Variants in FAM111B observed in about 807,000 individuals in gnomAD.
FAM111B encodes the protein FAM111 trypsin like peptidase B, also known as serine protease FAM111B.
A neutral mutation model predicts 2.8 loss-of-function variants in FAM111B; 1 was observed. The ratio of observed to expected loss-of-function variants is 0.36; its 90% CI spans 0.13 to 1.70. The LOEUF (loss-of-function observed/expected upper bound fraction) is 1.70. FAM111B is among the 40% of genes most tolerant of loss of function. The pLI is 0.35. For synonymous variants in FAM111B, 297 were observed against 295.6 expected, an observed-to-expected ratio of 1.00 and a Z score of -0.05; for missense variants, 882 against 878.9, an observed-to-expected ratio of 1.00 and a Z score of -0.04.
chr11:59,124,828 A>G lies in FAM111B; in HGVS notation c.731A>G (p.Glu244Gly), dbSNP rs1859988651. The G allele has an allele frequency of 6.2e-7, 1 of 1,613,762 alleles. No individual in the cohort carries two copies. Among genetic ancestry groups the G allele is most frequent in the Non-Finnish European group, 8.5e-7 (1 of 1,179,866 alleles). Residue 244 changes from glutamate (E) to glycine (G), a missense_variant, in exon 4 of 4, where the codon GAA becomes GGA. Transcript: ENST00000343597. Reference sequence around the variant, plus strand: ...GGTGAATTTGAATGGAAACTAAAGGAAGGTCATAAGAAAATTTATGGAAAA... The same window carrying G: ...GGTGAATTTGAATGGAAACTAAAGGGAGGTCATAAGAAAATTTATGGAAAA... Reference protein sequence around the residue: ...DIGEFEWKLKEGHKKIYGKQS... With the variant: ...DIGEFEWKLKGGHKKIYGKQS...
chr11:59,122,383 T>C (rs879596771), intron 3 of FAM111B, among the ~76,000 whole-genome samples: 8 of 152,222 alleles, frequency 5.3e-5, no homozygotes, highest in Non-Finnish European at 1.2e-4. Flanking sequence ...AGGGACACAC[T>C]GTATGCCTCT....
chr11:59,124,557 T>C lies in FAM111B; in HGVS notation c.460T>C (p.Ser154Pro). Residue 154 changes from serine to proline, a missense_variant, in exon 4 of 4, where the codon TCT becomes CCT. Coordinates refer to ENST00000343597, the MANE Select transcript of FAM111B (RefSeq NM_198947.4). ...GMPLKCLPSD[S>P]HFKITFGQRK... ...GCCTCTCAAGTGCCTGCCTAGTGAT[T>C]CTCATTTTAAAATTACATTTGGTCA... is the stretch of plus-strand genomic sequence containing the variant. 6.2e-7 allele frequency: 1 copy of C among 1,613,598 alleles called. No individual in the cohort carries two copies. Among genetic ancestry groups the C allele is most frequent in the Non-Finnish European group, 8.5e-7 (1 of 1,179,670 alleles).
rs372961791 is a variant in FAM111B at position 59,119,444 on chromosome 11, A to G, written c.82-4735A>G. On this transcript the variant is annotated intron_variant, in intron 3 of 3. Coordinates refer to ENST00000343597, the MANE Select transcript of FAM111B (RefSeq NM_198947.4). ...ACTAATGCTCAATGTCTTGGAAACC[A>G]TTTTGTATATTTTGTCCATTTCTCC... 1.6e-3 allele frequency among the ~76,000 whole-genome samples: 249 copies of G among 152,286 alleles called. 5 individuals are homozygous for G. The South Asian group carries it at 0.047, about 29-fold the overall frequency.
At chr11:59,123,138 A>G (rs1181855120) in intron 3 of FAM111B, among the ~76,000 whole-genome samples, 1 of 152,142 alleles carries the variant, frequency 6.6e-6, no homozygotes, top group Non-Finnish European at 1.5e-5. Context: ...TGCCATTTTA[A>G]TATATTTTCT....
intron 3 of FAM111B, 97 bp downstream of exon 3, chr11:59,109,803 T>C: frequency 1.4e-6 from 1 of 723,372 alleles, no homozygotes; most frequent in Non-Finnish European, 2.2e-6. Context: ...ATGGTCGTTA[T>C]AAGCCCTTCT....
chr11:59,113,823 T>A (rs182317973), intron 3 of FAM111B, among the ~76,000 whole-genome samples: 29 of 152,266 alleles, frequency 1.9e-4, no homozygotes, highest in South Asian at 6.2e-4. Flanking sequence ...TCACCACACC[T>A]AGAGGGAAGT....
intron 3 of FAM111B, among the ~76,000 whole-genome samples, chr11:59,120,114 A>T (rs1219292329): frequency 6.6e-6 from 1 of 152,238 alleles, no homozygotes; most frequent in Admixed American, 6.5e-5. Context: ...TGTAAAAATT[A>T]TTTGTTAACC....
At chr11:59,114,487 G>T (rs1038803027) in intron 3 of FAM111B, among the ~76,000 whole-genome samples, 4 of 152,192 alleles carry the variant, frequency 2.6e-5, no homozygotes, top group African/African-American at 9.6e-5. Flanking sequence ...GGAAAAGAGA[G>T]ATGGAGAATG....
Position 59,125,801 on chromosome 11 carries a change from A to G in FAM111B, c.1704A>G (p.Gln568=). ...PPGLWRQISP[Q]PSTGLIYLIG... ...GACTATGGCGACAGATTTCTCCTCA[A>G]CCATCTACTGGTTTGATTTATTTAA... Residue 568 remains glutamine, a synonymous_variant, in exon 4 of 4, where the codon CAA becomes CAG. Transcript: ENST00000343597. 1.2e-6 allele frequency: 2 copies of G among 1,613,896 alleles called. No individual in the cohort carries two copies.
At chr11:59,119,712 C>A (rs1465686339) in intron 3 of FAM111B, among the ~76,000 whole-genome samples, 1 of 152,076 alleles carries the variant, frequency 6.6e-6, no homozygotes, top group African/African-American at 2.4e-5. Flanking sequence ...CAGGGAATAT[C>A]ATGTTAAATA....
intron 3 of FAM111B, among the ~76,000 whole-genome samples, chr11:59,123,754 A>G (rs1332652720): frequency 6.6e-6 from 1 of 152,192 alleles, no homozygotes; most frequent in East Asian, 1.9e-4. Context: ...TATTTAAGAA[A>G]CATAAGATTT....
chr11:59,111,494 TA>T (rs1201926147), intron 3 of FAM111B, among the ~76,000 whole-genome samples: 4 of 152,222 alleles, frequency 2.6e-5, no homozygotes, highest in African/African-American at 9.6e-5. Context: ...AAGACTTTGT[TA>T]AGTTAAATAT....
At chr11:59,121,840 A>G (rs1055833853) in intron 3 of FAM111B, among the ~76,000 whole-genome samples, 1 of 152,240 alleles carries the variant, frequency 6.6e-6, no homozygotes, top group East Asian at 1.9e-4. Flanking sequence ...ATCAACTAGA[A>G]TGAACCTCAG....
chr11:59,124,593 A>C lies in FAM111B; in HGVS notation c.496A>C (p.Ser166Arg). 6.2e-7 allele frequency: 1 copy of C among 1,613,882 alleles called. No individual in the cohort carries two copies. The change falls in exon 4 of 4, where the codon AGC becomes CGC. Residue 166 changes from serine (S) to arginine (R), a missense_variant. Physicochemically the swap from Ser to Arg is moderately radical, Grantham distance 110 (BLOSUM62 -1). Transcript: ENST00000343597. ...FKITFGQRKS[S>R]KEDGHILRQC... Reference sequence around the variant, plus strand: ...AATTACATTTGGTCAAAGAAAGAGTAGCAAAGAAGATGGACACATATTACG... The same window carrying C: ...AATTACATTTGGTCAAAGAAAGAGTCGCAAAGAAGATGGACACATATTACG...
rs968429952 is a variant in FAM111B, at chr11:59,125,267, T to C, written c.1170T>C (p.Asn390=). ...VQKEAINLLK[N]YQTLNEAIMH... is the part of the protein sequence containing the mutation. ...AGGAGGCAATTAATCTCTTAAAGAA[T>C]TATCAAACGTTGAATGAAGCCATAA... is the stretch of plus-strand genomic sequence containing the variant. Residue 390 remains asparagine, a synonymous_variant, in exon 4 of 4, where the codon AAT becomes AAC. Coordinates refer to ENST00000343597, the MANE Select transcript of FAM111B (RefSeq NM_198947.4). 2.5e-6 allele frequency: 4 copies of C among 1,613,792 alleles called. No individual in the cohort carries two copies. Among genetic ancestry groups the C allele is most frequent in the Non-Finnish European group, 3.4e-6 (4 of 1,179,868 alleles).
chr11:59,112,803 T>A (rs2135396809), intron 3 of FAM111B, among the ~76,000 whole-genome samples: 1 of 152,248 alleles, frequency 6.6e-6, no homozygotes, highest in East Asian at 1.9e-4. Flanking sequence ...TGGTGAAGTG[T>A]CTATTAAAAT....
intron 3 of FAM111B, 95 bp from the exon 4 acceptor site, chr11:59,124,084 T>G: frequency 1.3e-6 from 1 of 792,894 alleles, no homozygotes; most frequent in South Asian, 2.8e-5. Context: ...ATTATCTAAT[T>G]TTTATTCATA....
chr11:59,117,128 CTGAA>C, intron 3 of FAM111B, among the ~76,000 whole-genome samples: 1 of 152,298 alleles, frequency 6.6e-6, no homozygotes, highest in Non-Finnish European at 1.5e-5. Context: ...TGCCTGCCCT[CTGAA>C]TGAGCCAGAT....
At chr11:59,109,896 A>C (rs899964423) in intron 3 of FAM111B, 190 bp downstream of exon 3, 52 of 375,228 alleles carry the variant, frequency 1.4e-4, no homozygotes, top group Non-Finnish European at 2.2e-4. Context: ...ACAATGCTAA[A>C]CGTATGTTAA....
Sources: gnomAD v4.1 joint callset for allele counts (sites outside exome capture counted in the v4.1 genomes callset) on GRCh38, gnomAD v4.1.1 for gene constraint, MANE v1.5 for transcripts, NCBI Gene and HGNC (gene_info 2026-07-23, HGNC 2026-07-21) for gene names.